MNAT1: variants seen among roughly 807,000 people sequenced by gnomAD.
MNAT1 encodes MNAT1 component of CDK activating kinase.
Under a neutral mutation model 42.0 loss-of-function variants are expected in MNAT1, and 43 were observed. The ratio of observed to expected loss-of-function variants is 1.02; its 90% CI spans 0.80 to 1.32. MNAT1 has a LOEUF of 1.32. Among genes scored for constraint, MNAT1 ranks in the 40% most tolerant of loss-of-function variants. The pLI, the probability that MNAT1 is intolerant of heterozygous loss-of-function variation, is 0.00. For synonymous variants in MNAT1, 118 were observed against 120.0 expected, an observed-to-expected ratio of 0.98 and a Z score of 0.11; for missense variants, 306 against 350.4, an observed-to-expected ratio of 0.87 and a Z score of 1.01.
chr14:60,758,071 G>A (rs923325562), intron 1 of MNAT1, among the ~76,000 whole-genome samples: 2 of 152,082 alleles, frequency 1.3e-5, no homozygotes, highest in Non-Finnish European at 2.9e-5. Context: ...GAAATCTGAG[G>A]TCATACTATA....
At chr14:60,915,634 C>A (rs576019356) in intron 7 of MNAT1, among the ~76,000 whole-genome samples, 8 of 152,162 alleles carry the variant, frequency 5.3e-5, no homozygotes, top group Non-Finnish European at 2.9e-5. Context: ...GTGTTACTTC[C>A]TGGTAGTTTT....
chr14:60,930,952 T>C (rs2035870553), intron 7 of MNAT1, among the ~76,000 whole-genome samples: 1 of 152,192 alleles, frequency 6.6e-6, no homozygotes, highest in South Asian at 2.1e-4. Flanking sequence ...TAGTAATAGG[T>C]AGCTATGGAA....
intron 7 of MNAT1, among the ~76,000 whole-genome samples, chr14:60,891,260 AT>A (rs1456638809): frequency 3.3e-5 from 5 of 151,660 alleles, no homozygotes; most frequent in Non-Finnish European, 5.9e-5. Context: ...AGATCTGGTA[AT>A]TTTGTTGATC....
chr14:60,875,862 G>C (rs776252035), intron 6 of MNAT1, among the ~76,000 whole-genome samples: 11 of 152,082 alleles, frequency 7.2e-5, no homozygotes, highest in Non-Finnish European at 1.5e-4. Context: ...AGGTAATCCA[G>C]CTCTTGAAAA....
intron 7 of MNAT1, among the ~76,000 whole-genome samples, chr14:60,947,362 G>C (rs2036298690): frequency 6.6e-6 from 1 of 152,052 alleles, no homozygotes; most frequent in South Asian, 2.1e-4. Flanking sequence ...CAGAACCCAA[G>C]GGCTCTGAGA....
chr14:60,838,209 C>T (rs1166121160), intron 6 of MNAT1, among the ~76,000 whole-genome samples: 2 of 151,970 alleles, frequency 1.3e-5, no homozygotes, highest in Non-Finnish European at 2.9e-5. Flanking sequence ...GATCACTGCT[C>T]AATGCAGGTT....
intron 7 of MNAT1, among the ~76,000 whole-genome samples, chr14:60,946,595 A>T (rs527773613): frequency 6.6e-6 from 1 of 151,872 alleles, no homozygotes; most frequent in South Asian, 2.1e-4. Flanking sequence ...CCTCTGCTAA[A>T]GTTATTGTGT....
chr14:60,776,455 T>C (rs2140310782), intron 1 of MNAT1, among the ~76,000 whole-genome samples: 1 of 152,204 alleles, frequency 6.6e-6, no homozygotes, highest in South Asian at 2.1e-4. Flanking sequence ...AGGAATTAAA[T>C]GTCTAGGATA....
intron 5 of MNAT1, among the ~76,000 whole-genome samples, chr14:60,816,969 C>G (rs905231558): frequency 1.6e-4 from 25 of 151,916 alleles, no homozygotes; most frequent in African/African-American, 6.0e-4. Context: ...AGGATTAAAA[C>G]AAGCTAAAGT....
In MNAT1 at chr14:60,742,716, A is replaced by G. The variant is rs559669999; in HGVS notation, c.89+7765A>G. Reference sequence around the variant, plus strand: ...ACTTTCTGACTATGTAGATTTTCCTATTCTGGACCTTTCATATAAATGGAA... The same window carrying G: ...ACTTTCTGACTATGTAGATTTTCCTGTTCTGGACCTTTCATATAAATGGAA... On this transcript the variant is annotated intron_variant, in intron 1 of 7. Coordinates refer to ENST00000261245, the MANE Select transcript of MNAT1 (RefSeq NM_002431.4). Among the ~76,000 whole-genome samples, 7 of 152,248 alleles carry G rather than the reference A, an allele frequency of 4.6e-5. No homozygotes were observed. The South Asian group carries it at 1.4e-3, about 32-fold the overall frequency.
chr14:60,937,181 G>T (rs1336002031), intron 7 of MNAT1, among the ~76,000 whole-genome samples: 2 of 152,050 alleles, frequency 1.3e-5, no homozygotes, highest in African/African-American at 4.8e-5. Flanking sequence ...TAGGTTGCCT[G>T]TTCACTCTGA....
intron 7 of MNAT1, among the ~76,000 whole-genome samples, chr14:60,915,771 T>G (rs2035499018): frequency 6.6e-6 from 1 of 152,230 alleles, no homozygotes; most frequent in Non-Finnish European, 1.5e-5. Flanking sequence ...AAAAATATCC[T>G]GCCAAAGAAT....
At chr14:60,835,117 A>G (rs534542900) in intron 6 of MNAT1, among the ~76,000 whole-genome samples, 4 of 151,414 alleles carry the variant, frequency 2.6e-5, no homozygotes, top group South Asian at 2.1e-4. Context: ...ATATTCCTCT[A>G]TCCCTTTATT....
intron 7 of MNAT1, among the ~76,000 whole-genome samples, chr14:60,960,742 C>T (rs2036571907): frequency 1.3e-5 from 2 of 152,112 alleles, no homozygotes; most frequent in African/African-American, 4.8e-5. Flanking sequence ...ATATTCCCAC[C>T]CCCATATCCA....
intron 1 of MNAT1, among the ~76,000 whole-genome samples, chr14:60,765,244 C>T (rs2030766896): frequency 1.3e-5 from 2 of 152,182 alleles, no homozygotes; most frequent in African/African-American, 2.4e-5. Flanking sequence ...GAGCCAAGAT[C>T]GTGCCACTGC....
chr14:60,757,991 A>G (rs2030430287), intron 1 of MNAT1, among the ~76,000 whole-genome samples: 1 of 152,146 alleles, frequency 6.6e-6, no homozygotes. Flanking sequence ...TGTTGTTGGA[A>G]CCATCTAAGG....
In MNAT1 at chr14:60,765,930, TATAAA is replaced by T. The variant is rs548184516; in HGVS notation, c.90-30284_90-30280del. Among the ~76,000 whole-genome samples the T allele has an allele frequency of 1.1e-3, 160 of 152,334 alleles. 3 individuals are homozygous for T. The Middle Eastern group carries it at 0.017, about 16-fold the overall frequency. Reference sequence around the variant, plus strand: ...CTTAGAAATATATAAAATCTTGACTTATAAAATTAAATGTATAACTTAAAAATGAT... The same window carrying T: ...CTTAGAAATATATAAAATCTTGACTTATTAAATGTATAACTTAAAAATGAT... On this transcript the variant is annotated intron_variant, in intron 1 of 7. Coordinates refer to ENST00000261245, the MANE Select transcript of MNAT1 (RefSeq NM_002431.4).
intron 6 of MNAT1, among the ~76,000 whole-genome samples, chr14:60,842,575 T>C (rs1203373295): frequency 6.6e-6 from 1 of 152,246 alleles, no homozygotes; most frequent in Non-Finnish European, 1.5e-5. Context: ...AAGTGGGGAA[T>C]GGTCAATCTG....
intron 7 of MNAT1, among the ~76,000 whole-genome samples, chr14:60,951,706 TG>T (rs1303682590): frequency 1.3e-5 from 2 of 152,204 alleles, no homozygotes; most frequent in East Asian, 3.8e-4. Flanking sequence ...ATTGTGGATG[TG>T]TCAGTCCTGC....
Sources: gnomAD v4.1 joint callset for allele counts (sites outside exome capture counted in the v4.1 genomes callset) on GRCh38, gnomAD v4.1.1 for gene constraint, MANE v1.5 for transcripts, NCBI Gene and HGNC (gene_info 2026-07-23, HGNC 2026-07-21) for gene names.